The following RBPMS2 variants were observed in gnomAD, a reference collection of about 807,000 sequenced individuals.
The protein encoded by RBPMS2 is RNA-binding protein with multiple splicing 2.
In RBPMS2, 14 loss-of-function variants were observed where a neutral mutation model predicts 25.7. That is an observed-to-expected ratio of 0.55 (90% CI 0.36 to 0.85). The LOEUF (loss-of-function observed/expected upper bound fraction) is 0.85. Ranked by LOEUF, RBPMS2 falls within the 40% of genes least tolerant of loss-of-function variation. The pLI, the probability that RBPMS2 is intolerant of heterozygous loss-of-function variation, is 0.01. For missense variants in RBPMS2, 252 were observed against 283.4 expected (o/e 0.89, Z 0.80); for synonymous variants, 127 against 115.6 (o/e 1.10, Z -0.63).
intron 1 of RBPMS2, among the ~76,000 whole-genome samples, chr15:64,768,414 G>A (rs888320836): frequency 1.3e-5 from 2 of 152,010 alleles, no homozygotes; most frequent in Non-Finnish European, 2.9e-5. Context: ...CAAGACAGAC[G>A]GATCACCTAA....
intron 1 of RBPMS2, among the ~76,000 whole-genome samples, chr15:64,765,582 A>T (rs1397327990): frequency 2.7e-5 from 4 of 146,046 alleles, no homozygotes; most frequent in Non-Finnish European, 4.5e-5. Flanking sequence ...CTGTGTCAGA[A>T]TAAAAAAAAG....
intron 3 of RBPMS2, among the ~76,000 whole-genome samples, chr15:64,750,038 A>C (rs1376198633): frequency 6.6e-6 from 1 of 151,724 alleles, no homozygotes; most frequent in Non-Finnish European, 1.5e-5. Flanking sequence ...CCTGGGCAAC[A>C]AGAGCAAAAC....
chr15:64,742,009 T>C (rs1034058386), intron 6 of RBPMS2, among the ~76,000 whole-genome samples: 2 of 151,976 alleles, frequency 1.3e-5, no homozygotes, highest in Non-Finnish European at 2.9e-5. Flanking sequence ...CTACTAAAAA[T>C]ACAAATTAGC....
chr15:64,771,304 A>T (rs1382603577), intron 1 of RBPMS2, among the ~76,000 whole-genome samples: 2 of 152,234 alleles, frequency 1.3e-5, no homozygotes, highest in African/African-American at 4.8e-5. Context: ...TTGTCCCTCG[A>T]TATCTGAGGC....
chr15:64,756,243 T>C (rs1006712122), intron 1 of RBPMS2, among the ~76,000 whole-genome samples: 1 of 152,262 alleles, frequency 6.6e-6, no homozygotes, highest in South Asian at 2.1e-4. Context: ...GGGCCGGGCA[T>C]GGTGGCTCAC....
chr15:64,759,679 T>C (rs1567068173), intron 1 of RBPMS2, among the ~76,000 whole-genome samples: 1 of 152,112 alleles, frequency 6.6e-6, no homozygotes, highest in Non-Finnish European at 1.5e-5. Context: ...TTTTAATTAT[T>C]TTTTAATTTT....
chr15:64,748,620 A>G, intron 5 of RBPMS2, 53 bp from the exon 6 acceptor site: 1 of 1,506,000 alleles, frequency 6.6e-7, no homozygotes, highest in Non-Finnish European at 8.9e-7. Context: ...TCCCCTTCCA[A>G]ACGGAGAAGG....
chr15:64,773,494 T>G lies in RBPMS2; in HGVS notation c.87+1739A>C, dbSNP rs1165759541. On this transcript the variant is annotated intron_variant, in intron 1 of 7. Coordinates refer to ENST00000300069, the MANE Select transcript of RBPMS2 (RefSeq NM_194272.3). The stretch of plus-strand genomic sequence containing the variant: ...CATCTCAACTCCCAAGGAGGAATAG[T>G]AGGGATTCCACTTTTTGAGAATCCT... 2.0e-5 allele frequency among the ~76,000 whole-genome samples: 3 copies of G among 152,186 alleles called. No individual in the cohort carries two copies. The South Asian group carries it at 6.2e-4, about 31-fold the overall frequency.
chr15:64,749,562 C>T (rs1221108054), intron 3 of RBPMS2, 69 bp from the exon 4 acceptor site: 1 of 1,332,150 alleles, frequency 7.5e-7, no homozygotes, highest in East Asian at 2.3e-5. Flanking sequence ...AAAATAACAA[C>T]AAAAAAAGAG....
intron 1 of RBPMS2, among the ~76,000 whole-genome samples, 158 bp from the exon 2 acceptor site, chr15:64,751,796 T>C (rs1387118505): frequency 6.6e-6 from 1 of 152,102 alleles, no homozygotes; most frequent in African/African-American, 2.4e-5. Context: ...TAACATTGTT[T>C]CACAGCACTC....
intron 1 of RBPMS2, among the ~76,000 whole-genome samples, chr15:64,768,269 G>A (rs2083863777): frequency 6.6e-6 from 1 of 152,268 alleles, no homozygotes; most frequent in Non-Finnish European, 1.5e-5. Context: ...AGCAGTTTGG[G>A]AGGCAAGGCA....
rs1417228628 is a variant in RBPMS2 at position 64,762,622 on chromosome 15, AAAC to A, written c.88-10987_88-10985del. 3 of 454,714 alleles carry A rather than the reference AAAC, an allele frequency of 6.6e-6. No individual in the cohort carries two copies. In the East Asian group the frequency reaches 1.7e-4, roughly 26 times the overall value. The allele number at this position is 454,714 out of a possible 1,614,324, so 28.2% of individuals were successfully genotyped here. ...TCCAAACAAAAGACAAAGAACCTCA[AAAC>A]AACGTCAGGAAGCCCAGGGTGAAGC... On this transcript the variant is annotated intron_variant, in intron 1 of 7. Coordinates refer to ENST00000300069, the MANE Select transcript of RBPMS2 (RefSeq NM_194272.3).
chr15:64,767,954 C>T (rs1476071690), intron 1 of RBPMS2, among the ~76,000 whole-genome samples: 1 of 152,186 alleles, frequency 6.6e-6, no homozygotes, highest in Non-Finnish European at 1.5e-5. Context: ...CAGGCATGAG[C>T]CAACATGCCT....
intron 6 of RBPMS2, among the ~76,000 whole-genome samples, chr15:64,741,896 C>T (rs950844795): frequency 6.6e-6 from 1 of 152,078 alleles, no homozygotes; most frequent in Non-Finnish European, 1.5e-5. Flanking sequence ...CCGGGCGCAG[C>T]GGCTCACGCC....
chr15:64,764,093 T>A (rs1390782257), intron 1 of RBPMS2, among the ~76,000 whole-genome samples: 1 of 152,100 alleles, frequency 6.6e-6, no homozygotes, highest in Non-Finnish European at 1.5e-5. Context: ...TCCATCAGGA[T>A]CCAGACAGAG....
chr15:64,760,794 C>T (rs2083776806), intron 1 of RBPMS2, among the ~76,000 whole-genome samples: 1 of 151,224 alleles, frequency 6.6e-6, no homozygotes, highest in Non-Finnish European at 1.5e-5. Context: ...AAGAGTGAAA[C>T]TCCATCTCGA....
rs891968422 is a variant in RBPMS2, at chr15:64,740,654, C to A, written c.*354G>T. ...AAGTGTCTTAATTCATGCCAGAAAA[C>A]ATGCAAAATTAAACACCTCACTTCC... On this transcript the variant is annotated 3_prime_UTR_variant, in exon 8 of 8. Coordinates refer to ENST00000300069, the MANE Select transcript of RBPMS2 (RefSeq NM_194272.3). 6.3e-6 allele frequency: 1 copy of A among 157,890 alleles called. No individual in the cohort carries two copies. Among genetic ancestry groups the A allele is most frequent in the African/African-American group, 2.4e-5 (1 of 41,492 alleles). 9.8% of individuals were successfully genotyped at this position (157,890 alleles called of 1,614,324 possible).
At chr15:64,758,738 TGGGA>T (rs1456758636) in intron 1 of RBPMS2, among the ~76,000 whole-genome samples, 1 of 147,030 alleles carries the variant, frequency 6.8e-6, no homozygotes, top group South Asian at 2.3e-4. Flanking sequence ...TCACAGGGAG[TGGGA>T]GGGTGGGAGA....
chr15:64,754,321 GA>G, intron 1 of RBPMS2, among the ~76,000 whole-genome samples: 1 of 148,358 alleles, frequency 6.7e-6, no homozygotes, highest in African/African-American at 2.5e-5. Context: ...CAGAAAAAAA[GA>G]AAAAAAAGGC....
Sources: allele counts gnomAD v4.1 joint callset (sites outside exome capture counted in the v4.1 genomes callset), GRCh38; gene constraint gnomAD v4.1.1; transcripts MANE v1.5; gene names NCBI Gene and HGNC (gene_info 2026-07-23, HGNC 2026-07-21).